MARCHF1: variants seen among roughly 807,000 people sequenced by gnomAD.
MARCHF1 encodes the protein membrane associated ring-CH-type finger 1.
In MARCHF1, 40 loss-of-function variants were observed where a neutral mutation model predicts 54.2. The observed-to-expected ratio is 0.74, with a 90% confidence interval of 0.57 to 0.96. The LOEUF (loss-of-function observed/expected upper bound fraction) is 0.96, where lower values mean the gene tolerates loss of function less well. MARCHF1 is among the 40% of genes least tolerant of loss of function. The probability of loss-of-function intolerance (pLI) is 0.00; values close to 1 mark genes in which losing one functional copy is unlikely to be tolerated. For missense variants in MARCHF1, 586 were observed against 656.5 expected (o/e 0.89, Z 1.17); for synonymous variants, 236 against 236.3 (o/e 1.00, Z 0.01).
chr4:163,630,999 A>C (rs1007601337), intron 5 of MARCHF1, among the ~76,000 whole-genome samples: 2 of 152,156 alleles, frequency 1.3e-5, no homozygotes, highest in African/African-American at 2.4e-5. Context: ...AGAGGAATGT[A>C]AGTGTCTGTG....
intron 4 of MARCHF1, among the ~76,000 whole-genome samples, chr4:163,727,755 C>T (rs941932373): frequency 2.6e-5 from 4 of 152,118 alleles, no homozygotes; most frequent in African/African-American, 9.7e-5. Flanking sequence ...TCATTGCAAC[C>T]TCAACCTCCT....
chr4:164,110,123 T>TACACACAC lies in MARCHF1; in HGVS notation c.-248+1457_-248+1464dup, dbSNP rs70948699. Among the ~76,000 whole-genome samples the TACACACAC allele has an allele frequency of 9.2e-3, 1,341 of 146,020 alleles. 22 individuals are homozygous for TACACACAC. Among genetic ancestry groups the TACACACAC allele is most frequent in the African/African-American group, 0.032 (1,256 of 39,854 alleles). On this transcript the variant is annotated intron_variant, in intron 2 of 9. Transcript: ENST00000514618. The stretch of plus-strand genomic sequence containing the variant: ...TTAAAAAACCCATTGGAATTGGAGA[T>TACACACAC]ACACACACACACACACACACACACA...
intron 2 of MARCHF1, among the ~76,000 whole-genome samples, chr4:164,016,276 G>A (rs919763475): frequency 2.0e-5 from 3 of 152,084 alleles, no homozygotes; most frequent in African/African-American, 4.8e-5. Context: ...AGGAGTGTGT[G>A]AAGGAAGCGA....
At chr4:164,221,980 G>A (rs542632259) in intron 1 of MARCHF1, among the ~76,000 whole-genome samples, 1 of 77,470 alleles carries the variant, frequency 1.3e-5, no homozygotes, top group African/African-American at 7.7e-5. Context: ...TCAGGGTTCA[G>A]GTAGTGAAGA....
intron 4 of MARCHF1, among the ~76,000 whole-genome samples, chr4:163,818,838 C>T (rs1748614312): frequency 6.6e-6 from 1 of 152,038 alleles, no homozygotes. Flanking sequence ...AGTTTGCTCT[C>T]CTTTAAAGTT....
At chr4:163,934,456 G>C (rs551253435) in intron 3 of MARCHF1, among the ~76,000 whole-genome samples, 12 of 151,300 alleles carry the variant, frequency 7.9e-5, no homozygotes, top group Non-Finnish European at 1.8e-4. Context: ...CTACTCAGGA[G>C]GCTGAGGTGG....
chr4:164,159,841 C>T (rs1366968420), intron 1 of MARCHF1, among the ~76,000 whole-genome samples: 1 of 152,062 alleles, frequency 6.6e-6, no homozygotes, highest in Non-Finnish European at 1.5e-5. Context: ...TTAAAAGCTG[C>T]CTGACTCCAG....
intron 1 of MARCHF1, among the ~76,000 whole-genome samples, chr4:164,130,728 T>C (rs1016959125): frequency 2.0e-5 from 3 of 152,268 alleles, no homozygotes; most frequent in East Asian, 3.9e-4. Flanking sequence ...AGGCTGTGAG[T>C]GGCCACACCT....
intron 2 of MARCHF1, among the ~76,000 whole-genome samples, chr4:163,997,898 T>A (rs1753108164): frequency 6.7e-6 from 1 of 150,048 alleles, no homozygotes; most frequent in South Asian, 2.1e-4. Context: ...ACATTTGTTA[T>A]CTATAATTTA....
chr4:163,951,731 T>G (rs1347234765), intron 3 of MARCHF1, among the ~76,000 whole-genome samples: 1 of 152,182 alleles, frequency 6.6e-6, no homozygotes, highest in Non-Finnish European at 1.5e-5. Context: ...TCAGTTGACT[T>G]TAAAGATCTA....
At chr4:164,101,113 C>G (rs1035437146) in intron 2 of MARCHF1, among the ~76,000 whole-genome samples, 1 of 152,208 alleles carries the variant, frequency 6.6e-6, no homozygotes, top group Non-Finnish European at 1.5e-5. Context: ...GAGGGTCCTA[C>G]GCCCACGGAG....
chr4:164,096,893 T>C (rs1330720150), intron 2 of MARCHF1, among the ~76,000 whole-genome samples: 1 of 152,152 alleles, frequency 6.6e-6, no homozygotes, highest in African/African-American at 2.4e-5. Flanking sequence ...GAAGCTTAAG[T>C]GGTACTATTT....
chr4:163,855,651 C>G (rs1294087629), intron 3 of MARCHF1, among the ~76,000 whole-genome samples: 1 of 152,042 alleles, frequency 6.6e-6, no homozygotes, highest in Non-Finnish European at 1.5e-5. Flanking sequence ...AATTATTTAC[C>G]ATTTTGTCAA....
At chr4:163,613,527 G>A in intron 5 of MARCHF1, 134 bp from the exon 6 acceptor site, 2 of 1,575,238 alleles carry the variant, frequency 1.3e-6, no homozygotes, top group Non-Finnish European at 1.7e-6. Flanking sequence ...GCAGAACAGA[G>A]AATATAGGAA....
At chr4:164,238,571 A>G (rs932880712) in intron 1 of MARCHF1, among the ~76,000 whole-genome samples, 6 of 152,010 alleles carry the variant, frequency 3.9e-5, no homozygotes, top group Admixed American at 3.3e-4. Context: ...AATATTATCT[A>G]AAAAGTAAGA....
chr4:164,167,626 C>T (rs1387946052), intron 1 of MARCHF1, among the ~76,000 whole-genome samples: 1 of 151,692 alleles, frequency 6.6e-6, no homozygotes, highest in Non-Finnish European at 1.5e-5. Context: ...TAGATTCAAA[C>T]ATATAAGGGC....
intron 4 of MARCHF1, among the ~76,000 whole-genome samples, chr4:163,791,303 A>C (rs1747768311): frequency 6.6e-6 from 1 of 152,162 alleles, no homozygotes; most frequent in Non-Finnish European, 1.5e-5. Context: ...TTTTCATCAT[A>C]ATATGCCCAT....
chr4:163,914,267 T>C (rs953924253), intron 3 of MARCHF1, among the ~76,000 whole-genome samples: 1 of 152,116 alleles, frequency 6.6e-6, no homozygotes, highest in African/African-American at 2.4e-5. Flanking sequence ...TTTAAGAAAC[T>C]TCTTTAAAAA....
chr4:164,239,144 T>G (rs1481109500), intron 1 of MARCHF1, among the ~76,000 whole-genome samples: 1 of 152,114 alleles, frequency 6.6e-6, no homozygotes, highest in Non-Finnish European at 1.5e-5. Context: ...TGTATAGATA[T>G]ATACATAAAG....
Sources: gnomAD v4.1 joint callset for allele counts (sites outside exome capture counted in the v4.1 genomes callset) on GRCh38, gnomAD v4.1.1 for gene constraint, MANE v1.5 for transcripts, NCBI Gene and HGNC (gene_info 2026-07-23, HGNC 2026-07-21) for gene names.